The following OR51B5 variants were observed in gnomAD, a reference collection of about 807,000 sequenced individuals.
OR51B5 encodes the protein olfactory receptor family 51 subfamily B member 5, also known as olfactory receptor 51B5.
For synonymous variants in OR51B5, 186 were observed against 144.8 expected (o/e 1.28, Z -2.04); for missense variants, 456 against 374.6 (o/e 1.22, Z -1.79).
At chr11:5,364,083 C>T (rs1032307571) in intron 1 of OR51B5, among the ~76,000 whole-genome samples, 2 of 151,966 alleles carry the variant, frequency 1.3e-5, no homozygotes, top group African/African-American at 4.8e-5. Flanking sequence ...TCCATGGTTG[C>T]AATAAGGTCG....
intron 1 of OR51B5, among the ~76,000 whole-genome samples, chr11:5,379,129 G>A (rs1331835551): frequency 1.3e-5 from 2 of 151,792 alleles, no homozygotes; most frequent in African/African-American, 4.8e-5. Flanking sequence ...ATACTATGCA[G>A]CCATAAAAAT....
chr11:5,457,932 T>C (rs374792252), intron 1 of OR51B5, among the ~76,000 whole-genome samples: 2 of 152,208 alleles, frequency 1.3e-5, no homozygotes, highest in Admixed American at 6.5e-5. Flanking sequence ...AGTCTATTGA[T>C]AGCTTCTTTT....
intron 1 of OR51B5, chr11:5,390,993 T>C (rs917207834): frequency 1.3e-5 from 2 of 152,374 alleles, no homozygotes; most frequent in Admixed American, 1.3e-4. Flanking sequence ...GAAGAGACTT[T>C]GATCCTATCC....
intron 1 of OR51B5, among the ~76,000 whole-genome samples, chr11:5,466,660 ATAAG>A (rs1368784979): frequency 1.3e-5 from 2 of 152,188 alleles, no homozygotes; most frequent in African/African-American, 4.8e-5. Flanking sequence ...GTCTCTCTAT[ATAAG>A]TAAGTATAGC....
At chr11:5,469,819 T>C (rs1446735374) in intron 1 of OR51B5, among the ~76,000 whole-genome samples, 1 of 152,190 alleles carries the variant, frequency 6.6e-6, no homozygotes, top group African/African-American at 2.4e-5. Context: ...ATGTCCTCCA[T>C]GAAGTCTTTC....
intron 1 of OR51B5, among the ~76,000 whole-genome samples, chr11:5,498,312 C>G (rs1290195804): frequency 1.3e-5 from 2 of 152,156 alleles, no homozygotes; most frequent in Non-Finnish European, 2.9e-5. Context: ...CTAACCATGA[C>G]AGGTGATAGA....
At chr11:5,420,687 A>G (rs1850320576) in intron 1 of OR51B5, among the ~76,000 whole-genome samples, 2 of 152,024 alleles carry the variant, frequency 1.3e-5, no homozygotes, top group Admixed American at 1.3e-4. Context: ...AAATGCTTAT[A>G]TTATTTTCTC....
chr11:5,441,938 C>T (rs1319437355), intron 1 of OR51B5, among the ~76,000 whole-genome samples: 1 of 152,166 alleles, frequency 6.6e-6, no homozygotes, highest in Admixed American at 6.6e-5. Flanking sequence ...CCCAGCCTCC[C>T]AATCCCAATG....
At chr11:5,343,708 T>C, upstream of OR51B5, 2 of 498,376 alleles carry the variant, frequency 4.0e-6, no homozygotes, top group South Asian at 4.1e-5. Context: ...ATTTGTATTC[T>C]TAACTGCACA....
intron 1 of OR51B5, among the ~76,000 whole-genome samples, chr11:5,451,847 G>A (rs1209686762): frequency 1.3e-5 from 2 of 152,180 alleles, no homozygotes; most frequent in Non-Finnish European, 2.9e-5. Context: ...AGCTTGAAAT[G>A]TCTGCTTAGT....
chr11:5,370,528 T>G (rs1849431864), intron 1 of OR51B5, among the ~76,000 whole-genome samples: 3 of 152,200 alleles, frequency 2.0e-5, no homozygotes. Context: ...CTTTCTTTCA[T>G]TCTTACTTTC....
At chr11:5,353,270 A>G (rs1003524373) in intron 1 of OR51B5, among the ~76,000 whole-genome samples, 18 of 152,202 alleles carry the variant, frequency 1.2e-4, no homozygotes, top group African/African-American at 4.3e-4. Context: ...TAATATTGAT[A>G]ATAATTTGAA....
intron 1 of OR51B5, among the ~76,000 whole-genome samples, chr11:5,395,115 G>A (rs918777611): frequency 3.3e-5 from 5 of 152,150 alleles, no homozygotes; most frequent in African/African-American, 9.7e-5. Flanking sequence ...AGATAACTGG[G>A]CATCTCAAAT....
At chr11:5,352,051 G>A (rs190158718) in intron 1 of OR51B5, 7 of 1,614,016 alleles carry the variant, frequency 4.3e-6, no homozygotes, top group Admixed American at 1.7e-5. Context: ...ACACCAAGAT[G>A]TCATCAAGCT....
downstream of OR51B5, chr11:5,341,010 C>G (rs1035775409): frequency 6.6e-6 from 1 of 152,028 alleles, no homozygotes; most frequent in Non-Finnish European, 1.5e-5. Context: ...CATGGCGTGA[C>G]AAGGATAAAA....
chr11:5,444,123 A>G (rs1368790689), intron 1 of OR51B5, among the ~76,000 whole-genome samples: 4 of 152,198 alleles, frequency 2.6e-5, no homozygotes, highest in Non-Finnish European at 5.9e-5. Flanking sequence ...TCACAAATGC[A>G]TCAGCATTAA....
chr11:5,455,742 T>A (rs1371287773), intron 1 of OR51B5: 3 of 151,944 alleles, frequency 2.0e-5, no homozygotes, highest in Non-Finnish European at 4.4e-5. Flanking sequence ...ATTGAGGAAA[T>A]ACCAACAAGA....
At chr11:5,461,525 C>A (rs551060928) in intron 1 of OR51B5, among the ~76,000 whole-genome samples, 1 of 152,140 alleles carries the variant, frequency 6.6e-6, no homozygotes, top group East Asian at 1.9e-4. Flanking sequence ...CTCTCCAGGT[C>A]TCCCTGCTAA....
chr11:5,435,047 G>A (rs1352132422), intron 1 of OR51B5, among the ~76,000 whole-genome samples: 1 of 152,122 alleles, frequency 6.6e-6, no homozygotes, highest in African/African-American at 2.4e-5. Flanking sequence ...GGGAACAGGG[G>A]TTAAGTCACC....
Sources: allele counts gnomAD v4.1 joint callset (sites outside exome capture counted in the v4.1 genomes callset), GRCh38; gene constraint gnomAD v4.1.1; transcripts MANE v1.5; gene names NCBI Gene and HGNC (gene_info 2026-07-23, HGNC 2026-07-21).